Variants in BSPRY observed in about 807,000 individuals in gnomAD.
BSPRY encodes the protein B-box and SPRY domain containing.
BSPRY carries 33 observed loss-of-function variants against 38.0 expected under a neutral mutation model. That is an observed-to-expected ratio of 0.87 (90% CI 0.66 to 1.16). The LOEUF is 1.16. Among genes scored for constraint, BSPRY ranks in the 50% most tolerant of loss-of-function variants. BSPRY has a pLI of 0.00. For synonymous variants in BSPRY, 224 were observed against 228.5 expected (o/e 0.98, Z 0.18); for missense variants, 523 against 533.2 (o/e 0.98, Z 0.19).
intron 4 of BSPRY, among the ~76,000 whole-genome samples, chr9:113,367,795 C>CT (rs1448553736): frequency 6.6e-6 from 1 of 151,628 alleles, no homozygotes; most frequent in Non-Finnish European, 1.5e-5. Context: ...GCCACCTTCC[C>CT]TTTTGGCCCA....
At position 113,369,928 on chromosome 9, in the gene BSPRY, A is replaced by G. The variant is rs1311529387; in HGVS notation, c.995A>G (p.Gln332Arg). Residue 332 changes from glutamine to arginine, a missense_variant, in exon 6 of 6, where the codon CAG becomes CGG. Gln to Arg is a conservative substitution (Grantham distance 43). Transcript: ENST00000374183. ...TCCTGGGTCTTCTCTCGCTATGATCAGGAGTTTCGTTTCTCACACAATGGG... is the reference window on the plus strand; with the variant it reads ...TCCTGGGTCTTCTCTCGCTATGATCGGGAGTTTCGTTTCTCACACAATGGG... ...AFSWVFSRYD[Q>R]EFRFSHNGQH... is the part of the protein sequence containing the mutation. 2.5e-6 allele frequency: 4 copies of G among 1,614,078 alleles called. No individual in the cohort carries two copies. The highest frequency in any genetic ancestry group is 4.5e-5 in the East Asian group (2 of 44,892).
intron 4 of BSPRY, among the ~76,000 whole-genome samples, chr9:113,367,280 C>T (rs1834267471): frequency 6.6e-6 from 1 of 152,168 alleles, no homozygotes; most frequent in African/African-American, 2.4e-5. Context: ...CAGGCCCTCA[C>T]TGCTGATACA....
Position 113,352,044 on chromosome 9 carries a change from C to T in BSPRY, c.202-2196C>T, listed in dbSNP as rs370282400. Among the ~76,000 whole-genome samples, 83 of 152,258 alleles carry T rather than the reference C, an allele frequency of 5.5e-4. No homozygotes were observed. In the South Asian group the frequency reaches 5.8e-3, roughly 11 times the overall value. On this transcript the variant is annotated intron_variant, in intron 1 of 5. Coordinates refer to ENST00000374183, the MANE Select transcript of BSPRY (RefSeq NM_017688.3). ...CAGGCTGGTCTCGAACTCCTGATCT[C>T]AGGTGATCCGCCCACCTCAGCCTCC...
intron 2 of BSPRY, 61 bp from the exon 3 acceptor site, chr9:113,360,446 T>C: frequency 1.3e-6 from 2 of 1,501,462 alleles, no homozygotes; most frequent in African/African-American, 1.4e-5. Context: ...GCCTAAACCC[T>C]CTTAAATCCT....
At chr9:113,354,705 C>T (rs551114664) in intron 2 of BSPRY, among the ~76,000 whole-genome samples, 4 of 152,218 alleles carry the variant, frequency 2.6e-5, no homozygotes, top group Admixed American at 1.3e-4. Context: ...CAGTAACATC[C>T]CCATTTACAA....
intron 4 of BSPRY, among the ~76,000 whole-genome samples, chr9:113,365,130 G>A (rs1238613816): frequency 2.0e-5 from 3 of 152,168 alleles, no homozygotes; most frequent in East Asian, 1.9e-4. Context: ...CCCTTTGTCC[G>A]TTATCAAGGA....
intron 2 of BSPRY, 106 bp downstream of exon 2, chr9:113,354,444 G>C (rs943145601): frequency 1.3e-5 from 11 of 815,612 alleles, no homozygotes; most frequent in Non-Finnish European, 2.2e-5. Flanking sequence ...CAGACTCATT[G>C]TGCTACTAGC....
At chr9:113,352,368 A>G (rs1833986781) in intron 1 of BSPRY, among the ~76,000 whole-genome samples, 1 of 152,162 alleles carries the variant, frequency 6.6e-6, no homozygotes, top group Admixed American at 6.6e-5. Context: ...ATAGTCAGAG[A>G]GTTATAAGTG....
intron 4 of BSPRY, among the ~76,000 whole-genome samples, chr9:113,366,604 G>A (rs4979243): frequency 6.6e-6 from 1 of 152,156 alleles, no homozygotes; most frequent in Non-Finnish European, 1.5e-5. Context: ...CAGCTAGCCC[G>A]GGTGGTTCGC....
intron 1 of BSPRY, among the ~76,000 whole-genome samples, chr9:113,352,962 A>C (rs368650808): frequency 3.3e-5 from 5 of 152,336 alleles, no homozygotes; most frequent in Admixed American, 2.6e-4. Flanking sequence ...TCTGGGTAAC[A>C]GGTGAATGAT....
chr9:113,367,520 C>T (rs1834270993), intron 4 of BSPRY, among the ~76,000 whole-genome samples: 1 of 152,122 alleles, frequency 6.6e-6, no homozygotes, highest in Non-Finnish European at 1.5e-5. Context: ...AACATGACTG[C>T]CCCAACAGGT....
At chr9:113,364,395 G>A (rs1218344814) in intron 4 of BSPRY, among the ~76,000 whole-genome samples, 1 of 151,930 alleles carries the variant, frequency 6.6e-6, no homozygotes, top group Non-Finnish European at 1.5e-5. Flanking sequence ...TTCTCCCCTT[G>A]TACAATCTTT....
Position 113,349,685 on chromosome 9 carries a change from G to C in BSPRY, c.106G>C (p.Glu36Gln). The change falls in exon 1 of 6, where the codon GAG becomes CAG. Residue 36 changes from glutamate (E) to glutamine (Q), a missense_variant. Glu to Gln is a conservative substitution (Grantham distance 29). Transcript: ENST00000374183. ...GQALSWFCGS[E>Q]RRPVCAACAG... ...GGCTCTGAGCTGGTTCTGCGGCTCC[G>C]AGCGACGGCCCGTGTGCGCCGCCTG... 8.1e-7 allele frequency: 1 copy of C among 1,239,932 alleles called. No individual in the cohort carries two copies. Among genetic ancestry groups the C allele is most frequent in the South Asian group, 3.3e-5 (1 of 30,474 alleles). The allele number at this position is 1,239,932 out of a possible 1,614,324, so 76.8% of individuals were successfully genotyped here. A position where few individuals can be genotyped will look rare whatever the true frequency, so the allele number is the denominator to read the frequency against.
rs191524878 is a variant in BSPRY, at chr9:113,360,286, A to G, written c.301-221A>G. On this transcript the variant is annotated intron_variant, in intron 2 of 5. Transcript: ENST00000374183. ...ATCATGGCTCCCTGAGATATGGCCT[A>G]TGTGTCTGCATCTCAAATTTCTTTA... Among the ~76,000 whole-genome samples the G allele has an allele frequency of 2.7e-3, 416 of 152,284 alleles. 6 individuals are homozygous for G. The highest frequency in any genetic ancestry group is 0.026 in the Admixed American group (394 of 15,298).
At chr9:113,356,068 AG>A (rs1834053130) in intron 2 of BSPRY, among the ~76,000 whole-genome samples, 1 of 152,224 alleles carries the variant, frequency 6.6e-6, no homozygotes, top group South Asian at 2.1e-4. Flanking sequence ...ATTTTCATGA[AG>A]CCTACATTCT....
intron 4 of BSPRY, among the ~76,000 whole-genome samples, chr9:113,365,288 T>C (rs570483268): frequency 6.6e-6 from 1 of 152,342 alleles, no homozygotes; most frequent in African/African-American, 2.4e-5. Context: ...AGTTTTAGCA[T>C]CCATTGGTCA....
chr9:113,362,778 A>G (rs1834176345), intron 4 of BSPRY, among the ~76,000 whole-genome samples: 2 of 152,234 alleles, frequency 1.3e-5, no homozygotes, highest in African/African-American at 4.8e-5. Context: ...CTGCCCCGGT[A>G]CTGTTGCCTC....
chr9:113,355,111 C>G (rs1377261252), intron 2 of BSPRY, among the ~76,000 whole-genome samples: 2 of 152,230 alleles, frequency 1.3e-5, no homozygotes, highest in African/African-American at 4.8e-5. Flanking sequence ...CCCTCCTTGG[C>G]CTTCCAAAGT....
chr9:113,368,479 T>G (rs1278338821), intron 5 of BSPRY, 96 bp downstream of exon 5: 138 of 1,482,488 alleles, frequency 9.3e-5, no homozygotes, highest in Non-Finnish European at 1.2e-4. Context: ...CCCGTGCTTC[T>G]GAGATGATAG....
Sources: allele counts gnomAD v4.1 joint callset (sites outside exome capture counted in the v4.1 genomes callset), GRCh38; gene constraint gnomAD v4.1.1; transcripts MANE v1.5; gene names NCBI Gene and HGNC (gene_info 2026-07-23, HGNC 2026-07-21).